The following CADPS2 variants were observed in gnomAD, a reference collection of about 807,000 sequenced individuals.
CADPS2 encodes the protein calcium dependent secretion activator 2, also known as calcium-dependent secretion activator 2.
Under a neutral mutation model 172.5 loss-of-function variants are expected in CADPS2, and 93 were observed. The observed-to-expected ratio is 0.54, with a 90% CI of 0.46 to 0.64. The LOEUF (loss-of-function observed/expected upper bound fraction) is 0.64. Ranked by LOEUF, CADPS2 falls within the 30% of genes least tolerant of loss-of-function variation. CADPS2 has a pLI of 0.00. For synonymous variants in CADPS2, 546 were observed against 555.2 expected, an observed-to-expected ratio of 0.98 and a Z score of 0.23; for missense variants, 1,420 against 1,565.9, an observed-to-expected ratio of 0.91 and a Z score of 1.57.
At chr7:122,846,689 G>A (rs1419686009) in intron 1 of CADPS2, among the ~76,000 whole-genome samples, 3 of 152,188 alleles carry the variant, frequency 2.0e-5, no homozygotes, top group Non-Finnish European at 2.9e-5. Context: ...AAGGAAGAGT[G>A]AATAGGCTGA....
At chr7:122,417,140 C>T (rs2048019211) in intron 17 of CADPS2, among the ~76,000 whole-genome samples, 2 of 152,108 alleles carry the variant, frequency 1.3e-5, no homozygotes, top group Admixed American at 1.3e-4. Flanking sequence ...AAAACCTCAG[C>T]CTTAAATTTG....
intron 12 of CADPS2, chr7:122,480,185 G>C: frequency 2.2e-6 from 1 of 461,356 alleles, no homozygotes; most frequent in Non-Finnish European, 4.5e-6. Flanking sequence ...TATATCCAGA[G>C]AGTCAAAGAA....
intron 11 of CADPS2, among the ~76,000 whole-genome samples, chr7:122,488,995 C>T (rs1218278046): frequency 6.6e-6 from 1 of 152,026 alleles, no homozygotes; most frequent in African/African-American, 2.4e-5. Context: ...TCAGAATGTG[C>T]TCTTTTTATT....
In CADPS2 at chr7:122,388,298, T is replaced by C. The variant is rs544132316; in HGVS notation, c.3164+285A>G. Among the ~76,000 whole-genome samples, 3 of 152,110 alleles carry C rather than the reference T, an allele frequency of 2.0e-5. No individual in the cohort carries two copies. In the South Asian group the frequency reaches 6.2e-4, roughly 32 times the overall value. On this transcript the variant is annotated intron_variant, in intron 23 of 29. Coordinates refer to ENST00000449022, the MANE Select transcript of CADPS2 (RefSeq NM_017954.11). ...GATATTACCTTGGGAATTTAAAGCA[T>C]AGTATTCCCAGAGAGATAACAATAA...
At chr7:122,835,865 A>G (rs1055975487) in intron 1 of CADPS2, among the ~76,000 whole-genome samples, 1 of 152,250 alleles carries the variant, frequency 6.6e-6, no homozygotes, top group African/African-American at 2.4e-5. Flanking sequence ...GAAGGATATT[A>G]TCCGGGAGAA....
At chr7:122,508,361 T>C (rs1197327713) in intron 9 of CADPS2, among the ~76,000 whole-genome samples, 3 of 150,902 alleles carry the variant, frequency 2.0e-5, no homozygotes, top group African/African-American at 7.3e-5. Flanking sequence ...CATTGTTTGA[T>C]TAAAAAAACT....
rs192153049 is a variant in CADPS2 at position 122,809,705 on chromosome 7, C to T, written c.340-72637G>A. On this transcript the variant is annotated intron_variant, in intron 1 of 29. Coordinates refer to ENST00000449022, the MANE Select transcript of CADPS2 (RefSeq NM_017954.11). ...AAGACTAATTATAAGAAGTCAAATA[C>T]TAACAACTCCTGTGGGAAATAATGT... Among the ~76,000 whole-genome samples, 159 of 152,178 alleles carry T rather than the reference C, an allele frequency of 1.0e-3. 1 individual carries two copies. The highest frequency in any genetic ancestry group is 1.7e-3 in the Non-Finnish European group (113 of 67,976).
At chr7:122,338,979 G>A (rs2036345995) in intron 28 of CADPS2, 1 of 146,146 alleles carries the variant, frequency 6.8e-6, no homozygotes, top group Non-Finnish European at 1.5e-5. Flanking sequence ...TGCTCAGGCT[G>A]TTCTTGAACT....
chr7:122,411,568 A>G (rs2047324895), intron 19 of CADPS2, among the ~76,000 whole-genome samples: 2 of 152,144 alleles, frequency 1.3e-5, no homozygotes, highest in Admixed American at 1.3e-4. Flanking sequence ...ACTTAAAACA[A>G]AAAAGGAGGA....
intron 6 of CADPS2, among the ~76,000 whole-genome samples, chr7:122,595,135 A>C (rs1413512721): frequency 6.6e-6 from 1 of 151,618 alleles, no homozygotes; most frequent in East Asian, 1.9e-4. Context: ...TTGTGGGACT[A>C]AAGAGTTAGA....
chr7:122,322,690 A>C (rs956657573), intron 29 of CADPS2, among the ~76,000 whole-genome samples: 2 of 152,178 alleles, frequency 1.3e-5, no homozygotes, highest in Non-Finnish European at 2.9e-5. Flanking sequence ...TAAGGTAAAA[A>C]CTTTGCAAAT....
chr7:122,858,883 A>G (rs1423092245), intron 1 of CADPS2, among the ~76,000 whole-genome samples: 1 of 152,206 alleles, frequency 6.6e-6, no homozygotes, highest in South Asian at 2.1e-4. Context: ...TTAATGAGAA[A>G]AAAAATAAGT....
rs1795720701 is a variant in CADPS2 at position 122,793,505 on chromosome 7, T to G, written c.340-56437A>C. 3.9e-5 allele frequency among the ~76,000 whole-genome samples: 6 copies of G among 152,206 alleles called. No homozygotes were observed. The South Asian group carries it at 1.2e-3, about 31-fold the overall frequency. Reference sequence around the variant, plus strand: ...GTAGATTTTTCTCCATCCTTTTATTTTGAGCTTATGTGTGTCACTGCATGT... The same window carrying G: ...GTAGATTTTTCTCCATCCTTTTATTGTGAGCTTATGTGTGTCACTGCATGT... On this transcript the variant is annotated intron_variant, in intron 1 of 29. Coordinates refer to ENST00000449022, the MANE Select transcript of CADPS2 (RefSeq NM_017954.11).
intron 2 of CADPS2, among the ~76,000 whole-genome samples, chr7:122,726,429 A>G (rs2091091778): frequency 6.6e-6 from 1 of 151,972 alleles, no homozygotes; most frequent in South Asian, 2.1e-4. Flanking sequence ...ATGACACTGA[A>G]AGAGAAAAGC....
chr7:122,480,166 G>A (rs1023613299), intron 12 of CADPS2: 7 of 467,164 alleles, frequency 1.5e-5, no homozygotes, highest in Admixed American at 1.4e-4. Flanking sequence ...TCTTCCCTTA[G>A]AATTTTTATA....
chr7:122,811,268 A>T (rs1799964963), intron 1 of CADPS2, among the ~76,000 whole-genome samples: 1 of 152,204 alleles, frequency 6.6e-6, no homozygotes, highest in Admixed American at 6.5e-5. Flanking sequence ...AATAAATTAC[A>T]AAGGTCCTTT....
chr7:122,712,825 T>G (rs984485019), intron 2 of CADPS2, among the ~76,000 whole-genome samples: 2 of 152,076 alleles, frequency 1.3e-5, no homozygotes, highest in Non-Finnish European at 2.9e-5. Flanking sequence ...GTTCTTACAT[T>G]GTGGAAAGAG....
chr7:122,534,341 C>G (rs1160676003), intron 8 of CADPS2, among the ~76,000 whole-genome samples: 1 of 151,986 alleles, frequency 6.6e-6, no homozygotes. Context: ...CATATCAAGA[C>G]TATTTCAACA....
intron 27 of CADPS2, among the ~76,000 whole-genome samples, chr7:122,350,973 A>T (rs1483790283): frequency 1.3e-5 from 2 of 152,020 alleles, no homozygotes; most frequent in Non-Finnish European, 2.9e-5. Flanking sequence ...AAAATAATTT[A>T]AAAAGGGGCA....
Sources: allele counts gnomAD v4.1 joint callset (sites outside exome capture counted in the v4.1 genomes callset), GRCh38; gene constraint gnomAD v4.1.1; transcripts MANE v1.5; gene names NCBI Gene and HGNC (gene_info 2026-07-23, HGNC 2026-07-21).